FABP6: variants seen among roughly 807,000 people sequenced by gnomAD.
FABP6 encodes the protein fatty acid binding protein 6.
Under a neutral mutation model 14.9 loss-of-function variants are expected in FABP6, and 13 were observed. That is an observed-to-expected ratio of 0.87 (90% CI 0.57 to 1.39). FABP6 has a LOEUF of 1.39. Ranked by LOEUF, FABP6 falls within the 40% of genes most tolerant of loss-of-function variation. The pLI, the probability that FABP6 is intolerant of heterozygous loss-of-function variation, is 0.00. For synonymous variants in FABP6, 75 were observed against 63.6 expected (o/e 1.18, Z -0.85); for missense variants, 161 against 167.2 (o/e 0.96, Z 0.20).
intron 3 of FABP6, among the ~76,000 whole-genome samples, chr5:160,220,698 G>A (rs1351177193): frequency 2.6e-5 from 4 of 152,034 alleles, no homozygotes; most frequent in African/African-American, 9.7e-5. Flanking sequence ...GTCGGGTAAT[G>A]TTTCTGTGTT....
intron 3 of FABP6, among the ~76,000 whole-genome samples, chr5:160,214,089 CTCTTTCTTTCTTTCTTTCTT>C (rs10605033): frequency 0.012 from 1,379 of 116,376 alleles, 9 homozygotes; most frequent in African/African-American, 0.027. Flanking sequence ...GCCTGCCTTT[CTCTTTCTTTCTTTCTTTCTT>C]TCTTTCTTTC....
At chr5:160,199,237 G>A (rs66840636) in intron 2 of FABP6, 131,875 of 1,442,228 alleles carry the variant, frequency 0.091, 8,667 homozygotes, top group East Asian at 0.38. Context: ...AACACCTTGG[G>A]TGGGGGACTT....
rs186905518 is a variant in FABP6 at position 160,222,530 on chromosome 5, C to T, written c.136-7016C>T. On this transcript the variant is annotated intron_variant, in intron 3 of 6. Coordinates refer to the FABP6 transcript ENST00000393980. ...TGTATTTTTACTAGAGATGGGGTTC[C>T]GCCATGTTGGCCAGGCTGGTCTCAA... 9.1e-4 allele frequency among the ~76,000 whole-genome samples: 139 copies of T among 152,180 alleles called. 3 individuals are homozygous for T. The East Asian group carries it at 0.025, about 27-fold the overall frequency.
chr5:160,197,948 G>GTGTA (rs1561741001), intron 1 of FABP6: 2 of 145,160 alleles, frequency 1.4e-5, no homozygotes, highest in Admixed American at 1.4e-4. Context: ...GTGTGTGTGT[G>GTGTA]TGTGTATGTG....
intron 2 of FABP6, among the ~76,000 whole-genome samples, 161 bp downstream of exon 2, chr5:160,232,434 A>T (rs1003259593): frequency 2.0e-5 from 3 of 152,186 alleles, no homozygotes; most frequent in Non-Finnish European, 2.9e-5. Flanking sequence ...CTGATTTTTA[A>T]TGGTCAAACA....
chr5:160,235,685 T>C (rs1469235765), intron 3 of FABP6, among the ~76,000 whole-genome samples: 1 of 151,520 alleles, frequency 6.6e-6, no homozygotes, highest in Non-Finnish European at 1.5e-5. Context: ...GAAAGGGCCC[T>C]TCCCTCCTCC....
At chr5:160,193,426 G>C (rs1759441868) in intron 1 of FABP6, among the ~76,000 whole-genome samples, 1 of 152,144 alleles carries the variant, frequency 6.6e-6, no homozygotes, top group Admixed American at 6.5e-5. Context: ...CCACAGTGTG[G>C]AAGGGGACCC....
chr5:160,196,130 C>T (rs368153803), intron 1 of FABP6, among the ~76,000 whole-genome samples: 25 of 152,358 alleles, frequency 1.6e-4, no homozygotes, highest in African/African-American at 5.3e-4. Flanking sequence ...AGGGTGTCTA[C>T]TGGATCTCAT....
rs1183380766 is a variant in FABP6 at position 160,232,186 on chromosome 5, G to A, written c.156G>A (p.Gln52=). 1 of 1,613,736 alleles carries A rather than the reference G, an allele frequency of 6.2e-7. No individual in the cohort carries two copies. The highest frequency in any genetic ancestry group is 8.5e-7 in the Non-Finnish European group (1 of 1,179,858). The change falls in exon 2 of 4, where the codon CAG becomes CAA. Residue 52 remains glutamine (Q), a synonymous_variant. Coordinates refer to ENST00000402432, the MANE Select transcript of FABP6 (RefSeq NM_001445.3). The stretch of plus-strand genomic sequence containing the variant: ...ATGGGCAGGACTTCACTTGGTCCCA[G>A]CACTACTCCGGGGGCCACACCATGA... ...QQDGQDFTWS[Q]HYSGGHTMTN...
chr5:160,193,930 G>A (rs937221489), intron 1 of FABP6, among the ~76,000 whole-genome samples: 6 of 152,246 alleles, frequency 3.9e-5, no homozygotes, highest in Non-Finnish European at 8.8e-5. Context: ...ATGGGACTGG[G>A]CGCCGTGGGG....
At chr5:160,192,171 C>T (rs1366718081) in intron 1 of FABP6, among the ~76,000 whole-genome samples, 1 of 151,960 alleles carries the variant, frequency 6.6e-6, no homozygotes, top group Non-Finnish European at 1.5e-5. Flanking sequence ...CCTTCCCTGG[C>T]AATCCCCACT....
intron 3 of FABP6, chr5:160,213,842 G>A (rs765913973): frequency 6.3e-7 from 1 of 1,595,460 alleles, no homozygotes. Flanking sequence ...AGAAGGGAGG[G>A]AAGGGTTCCT....
chr5:160,223,619 TG>T (rs1177689420), intron 3 of FABP6, among the ~76,000 whole-genome samples: 1 of 151,078 alleles, frequency 6.6e-6, no homozygotes, highest in East Asian at 2.0e-4. Context: ...GATGATTTTT[TG>T]TCTCACTATA....
At chr5:160,198,551 C>G (rs1759563741) in intron 1 of FABP6, 1 of 154,376 alleles carries the variant, frequency 6.5e-6, no homozygotes, top group Admixed American at 6.4e-5. Context: ...CTGTAATGGT[C>G]CCCTCAGTCC....
chr5:160,201,025 G>T (rs142421863), intron 2 of FABP6, among the ~76,000 whole-genome samples: 119 of 152,230 alleles, frequency 7.8e-4, no homozygotes, highest in African/African-American at 2.7e-3. Context: ...ATATTTGCGT[G>T]CATTTATACA....
At chr5:160,235,347 T>C (rs1450551057) in intron 3 of FABP6, among the ~76,000 whole-genome samples, 2 of 152,140 alleles carry the variant, frequency 1.3e-5, no homozygotes, top group African/African-American at 2.4e-5. Flanking sequence ...TTCTACCAGA[T>C]CTTCTGATTT....
At chr5:160,226,284 C>T (rs548019420), upstream of FABP6, among the ~76,000 whole-genome samples, 8 of 151,866 alleles carry the variant, frequency 5.3e-5, no homozygotes, top group East Asian at 5.8e-4. Flanking sequence ...AAATATAGGC[C>T]GAGCGCGGTG....
At position 160,203,824 on chromosome 5, in the gene FABP6, C is replaced by G. The variant is rs181290098; in HGVS notation, c.51+4667C>G. On this transcript the variant is annotated intron_variant, in intron 2 of 6. Transcript: ENST00000393980. ...TCAAGCAATTCTCCAGCCTCAGCCT[C>G]TCAAGTAGCTGGGATTATAGGCACG... 2.8e-4 allele frequency among the ~76,000 whole-genome samples: 43 copies of G among 151,926 alleles called. No individual in the cohort carries two copies. In the East Asian group the frequency reaches 7.6e-3, roughly 27 times the overall value.
intron 3 of FABP6, among the ~76,000 whole-genome samples, chr5:160,223,195 T>G (rs1760164972): frequency 6.6e-6 from 1 of 152,180 alleles, no homozygotes; most frequent in African/African-American, 2.4e-5. Context: ...CTGGGCCACA[T>G]TTTGGTAATT....
Sources: gnomAD v4.1 joint callset for allele counts (sites outside exome capture counted in the v4.1 genomes callset) on GRCh38, gnomAD v4.1.1 for gene constraint, MANE v1.5 for transcripts, NCBI Gene and HGNC (gene_info 2026-07-23, HGNC 2026-07-21) for gene names.